Variants in CEP120 observed in about 807,000 individuals in gnomAD.
CEP120 encodes the protein centrosomal protein 120.
Under a neutral mutation model 126.5 loss-of-function variants are expected in CEP120, and 113 were observed. The ratio of observed to expected loss-of-function variants is 0.89; its 90% CI spans 0.77 to 1.04. CEP120 has a LOEUF of 1.04. CEP120 is among the 50% of genes least tolerant of loss of function. The probability of loss-of-function intolerance (pLI) is 0.00; values close to 1 mark genes in which losing one functional copy is unlikely to be tolerated. For missense variants in CEP120, 1,230 were observed against 1,155.7 expected (o/e 1.06, Z -0.93); for synonymous variants, 400 against 394.3 (o/e 1.01, Z -0.17).
At chr5:123,381,980 A>G in intron 14 of CEP120, 131 bp downstream of exon 14, 1 of 601,454 alleles carries the variant, frequency 1.7e-6, no homozygotes, top group East Asian at 2.9e-5. Flanking sequence ...CAGAGCCACC[A>G]CTCACTTCTT....
chr5:123,407,338 G>C (rs1773764560), intron 4 of CEP120, among the ~76,000 whole-genome samples: 1 of 151,904 alleles, frequency 6.6e-6, no homozygotes, highest in African/African-American at 2.4e-5. Flanking sequence ...CAAAAAACAA[G>C]ATCCAACTAT....
At chr5:123,398,097 G>A (rs753305187) in intron 5 of CEP120, among the ~76,000 whole-genome samples, 3 of 152,090 alleles carry the variant, frequency 2.0e-5, no homozygotes, top group African/African-American at 4.8e-5. Flanking sequence ...GGGAAAAAGT[G>A]GGGAGGGGAA....
Position 123,350,059 on chromosome 5 carries a change from T to C in CEP120, c.2611A>G (p.Lys871Glu). The change falls in exon 19 of 20, where the codon AAA (lysine) becomes GAA (glutamate). Residue 871 changes from lysine to glutamate, a missense_variant. Lys to Glu is a moderately conservative substitution (Grantham distance 56). Transcript: ENST00000306467. ...REQESQMARL[K>E]KQQEELEQMR... ...TGTTCCAATTCTTCCTGCTGTTTTTTAAGACGAGCCATTTGACTTTCTTGC... is the reference window on the plus strand; with the variant it reads ...TGTTCCAATTCTTCCTGCTGTTTTTCAAGACGAGCCATTTGACTTTCTTGC... 1 of 1,613,078 alleles carries C rather than the reference T, an allele frequency of 6.2e-7. No individual in the cohort carries two copies. The highest frequency in any genetic ancestry group is 8.5e-7 in the Non-Finnish European group (1 of 1,179,668).
In CEP120 at chr5:123,346,401, T is replaced by G; in HGVS notation, c.*118A>C. 1 of 687,656 alleles carries G rather than the reference T, an allele frequency of 1.5e-6. No homozygotes were observed. The highest frequency in any genetic ancestry group is 2.4e-6 in the Non-Finnish European group (1 of 419,716). The allele number at this position is 687,656 out of a possible 1,614,324, so 42.6% of individuals were successfully genotyped here. ...AATACTATACAATAACATACAAAATTTTGCTTATAAAAAATTGAAAATACC... is the reference window on the plus strand; with the variant it reads ...AATACTATACAATAACATACAAAATGTTGCTTATAAAAAATTGAAAATACC... On this transcript the variant is annotated 3_prime_UTR_variant, in exon 20 of 20. Transcript: ENST00000306467.
intron 5 of CEP120, among the ~76,000 whole-genome samples, chr5:123,398,303 G>A (rs1403621718): frequency 2.0e-5 from 3 of 152,102 alleles, no homozygotes; most frequent in African/African-American, 7.2e-5. Flanking sequence ...GTGTTGAGCC[G>A]CTGTTGGGAA....
chr5:123,347,662 T>C (rs1274838172), intron 19 of CEP120, among the ~76,000 whole-genome samples: 1 of 152,132 alleles, frequency 6.6e-6, no homozygotes, highest in East Asian at 1.9e-4. Context: ...TTTTGTTTGT[T>C]TGAGACAAGG....
chr5:123,402,059 G>C (rs779897925), intron 4 of CEP120: 1 of 1,592,336 alleles, frequency 6.3e-7, no homozygotes, highest in African/African-American at 1.3e-5. Flanking sequence ...TGAGGGTCTT[G>C]ATCTGCTCCT....
In CEP120 at chr5:123,350,131, G is replaced by A. The variant is rs777613540; in HGVS notation, c.2581-42C>T. The A allele has an allele frequency of 3.3e-6, 5 of 1,518,388 alleles. No individual in the cohort carries two copies. The Admixed American group carries it at 9.8e-5, about 30-fold the overall frequency. The allele number at this position is 1,518,388 out of a possible 1,614,324, so 94.1% of individuals were successfully genotyped here. On this transcript the variant is annotated intron_variant, in intron 18 of 19. Coordinates refer to ENST00000306467, the MANE Select transcript of CEP120 (RefSeq NM_001375405.1). ...AAACAAGTCATATCCTTAATATTAG[G>A]AACAAATATTTTATATGACTTTGAC...
In CEP120 at chr5:123,355,707, A is replaced by G. The variant is rs1201776934; in HGVS notation, c.2581-5618T>C. On this transcript the variant is annotated intron_variant, in intron 18 of 19. Coordinates refer to ENST00000306467, the MANE Select transcript of CEP120 (RefSeq NM_001375405.1). ...GCCCTTTGTCAGATGAGTAGGTTGC[A>G]AAAATTTTCTCCCATTCTGTAGGTT... is the stretch of plus-strand genomic sequence containing the variant. 1.4e-3 allele frequency among the ~76,000 whole-genome samples: 207 copies of G among 151,950 alleles called. 1 individual carries two copies. The highest frequency in any genetic ancestry group is 0.011 in the South Asian group (51 of 4,808).
At chr5:123,399,706 G>A (rs1263894798) in intron 4 of CEP120, among the ~76,000 whole-genome samples, 1 of 152,178 alleles carries the variant, frequency 6.6e-6, no homozygotes, top group Non-Finnish European at 1.5e-5. Flanking sequence ...GCATGTGTGA[G>A]AAAACTGACA....
At chr5:123,382,284 C>A (rs1771699721) in intron 13 of CEP120, 84 bp from the exon 14 acceptor site, 2 of 623,774 alleles carry the variant, frequency 3.2e-6, no homozygotes, top group South Asian at 2.3e-5. Context: ...ATAACCGATG[C>A]TGATCACTAA....
rs1222681690 is a variant in CEP120, at chr5:123,412,532, T to C, written c.330A>G (p.Lys110=). Residue 110 remains lysine, a synonymous_variant, in exon 4 of 20, where the codon AAA becomes AAG. Coordinates refer to ENST00000306467, the MANE Select transcript of CEP120 (RefSeq NM_001375405.1). ...ATTTATTACTCAGCAACTGGTACCA[T>C]TTTGGTGCCTAGAGAATAATAAAAT... ...RTAQETKQAP[K]WYQLLSNKYT... The C allele has an allele frequency of 6.3e-7, 1 of 1,594,010 alleles. No individual in the cohort carries two copies. Among genetic ancestry groups the C allele is most frequent in the East Asian group, 2.3e-5 (1 of 44,386 alleles).
intron 9 of CEP120, among the ~76,000 whole-genome samples, 164 bp from the exon 10 acceptor site, chr5:123,386,831 T>C (rs1033772922): frequency 2.0e-5 from 3 of 152,130 alleles, no homozygotes; most frequent in African/African-American, 7.2e-5. Flanking sequence ...GTGTAAGAAG[T>C]TCCTTGACGG....
chr5:123,396,767 A>G (rs1238346619), intron 5 of CEP120, among the ~76,000 whole-genome samples: 4 of 152,320 alleles, frequency 2.6e-5, no homozygotes, highest in Middle Eastern at 3.4e-3. Context: ...GAGGCAAGAG[A>G]GCATTATATG....
intron 19 of CEP120, among the ~76,000 whole-genome samples, chr5:123,347,024 T>C (rs925585016): frequency 2.6e-5 from 4 of 152,170 alleles, no homozygotes; most frequent in Admixed American, 6.5e-5. Context: ...ACTAGATATT[T>C]TGGAGCTGTG....
intron 18 of CEP120, among the ~76,000 whole-genome samples, chr5:123,361,315 T>C (rs17473342): frequency 0.22 from 32,746 of 151,750 alleles, 3,828 homozygotes; most frequent in Middle Eastern, 0.26. Context: ...GTTTTTCTAA[T>C]ACTTGCTGAC....
intron 12 of CEP120, 33 bp downstream of exon 12, chr5:123,382,953 A>T (rs758858146): frequency 1.4e-5 from 23 of 1,595,576 alleles, no homozygotes; most frequent in South Asian, 5.7e-5. Flanking sequence ...GATTCCTTTT[A>T]AAAAAAATTT....
chr5:123,397,559 G>T (rs934816759), intron 5 of CEP120, among the ~76,000 whole-genome samples: 1 of 152,148 alleles, frequency 6.6e-6, no homozygotes, highest in African/African-American at 2.4e-5. Context: ...AAAGGCAAAA[G>T]TATGTATGTA....
chr5:123,376,649 A>G (rs1445256606), intron 16 of CEP120, among the ~76,000 whole-genome samples: 2 of 152,078 alleles, frequency 1.3e-5, no homozygotes, highest in Non-Finnish European at 2.9e-5. Context: ...AAGTATGGAG[A>G]GAAGGACCAC....
Sources: allele counts gnomAD v4.1 joint callset (sites outside exome capture counted in the v4.1 genomes callset), GRCh38; gene constraint gnomAD v4.1.1; transcripts MANE v1.5; gene names NCBI Gene and HGNC (gene_info 2026-07-23, HGNC 2026-07-21).